Variants in DAB1 observed in about 807,000 individuals in gnomAD.
The protein encoded by DAB1 is DAB adaptor protein 1, also known as disabled homolog 1.
Under a neutral mutation model 64.6 loss-of-function variants are expected in DAB1, and 15 were observed. The observed-to-expected ratio is 0.23, with a 90% CI of 0.16 to 0.36. The LOEUF (loss-of-function observed/expected upper bound fraction) is 0.36, where lower values mean the gene tolerates loss of function less well. Among genes scored for constraint, DAB1 ranks in the 10% least tolerant of loss-of-function variants. The pLI is 1.00. For synonymous variants in DAB1, 235 were observed against 251.9 expected (o/e 0.93, Z 0.64); for missense variants, 596 against 706.7 (o/e 0.84, Z 1.78).
intron 7 of DAB1, among the ~76,000 whole-genome samples, chr1:57,561,359 T>C (rs1441359345): frequency 6.6e-6 from 1 of 152,180 alleles, no homozygotes; most frequent in Non-Finnish European, 1.5e-5. Flanking sequence ...GTGCACCTGG[T>C]TGTGCACTGT....
intron 4 of DAB1, among the ~76,000 whole-genome samples, chr1:58,167,795 A>G (rs1655943218): frequency 6.6e-6 from 1 of 152,184 alleles, no homozygotes; most frequent in South Asian, 2.1e-4. Context: ...CTCACGGCAA[A>G]GGTCTGTGGC....
chr1:57,545,953 A>T (rs960404339), intron 7 of DAB1, among the ~76,000 whole-genome samples: 1 of 152,194 alleles, frequency 6.6e-6, no homozygotes, highest in African/African-American at 2.4e-5. Flanking sequence ...ATTGTTCTCC[A>T]CAAATAAAAA....
At chr1:58,015,125 G>C in intron 5 of DAB1, among the ~76,000 whole-genome samples, 1 of 152,188 alleles carries the variant, frequency 6.6e-6, no homozygotes, top group South Asian at 2.1e-4. Flanking sequence ...ATGCCATCCT[G>C]ACCTATGCCA....
chr1:58,064,585 T>C (rs764366437), intron 5 of DAB1, among the ~76,000 whole-genome samples: 2 of 152,176 alleles, frequency 1.3e-5, no homozygotes, highest in Non-Finnish European at 2.9e-5. Flanking sequence ...GTCTACTCAG[T>C]GCGGTGCCTG....
intron 2 of DAB1, among the ~76,000 whole-genome samples, chr1:57,281,220 T>C (rs1671859852): frequency 1.3e-5 from 2 of 152,276 alleles, no homozygotes; most frequent in South Asian, 2.1e-4. Context: ...ATAAAGAGAA[T>C]AAACCTTATT....
chr1:58,525,634 A>G (rs1646337313), intron 2 of DAB1, among the ~76,000 whole-genome samples: 1 of 152,140 alleles, frequency 6.6e-6, no homozygotes, highest in Non-Finnish European at 1.5e-5. Flanking sequence ...ACACTAGTCA[A>G]GTGTCCCCAA....
intron 5 of DAB1, among the ~76,000 whole-genome samples, chr1:57,921,384 T>C (rs1486756262): frequency 6.6e-6 from 1 of 152,210 alleles, no homozygotes; most frequent in Non-Finnish European, 1.5e-5. Context: ...TAATTGTTTT[T>C]ACCAGGAGGA....
chr1:57,990,984 G>A (rs563100896), intron 5 of DAB1, among the ~76,000 whole-genome samples: 1 of 152,152 alleles, frequency 6.6e-6, no homozygotes, highest in Non-Finnish European at 1.5e-5. Flanking sequence ...AGGATGAGAC[G>A]TGGCATTTGT....
At chr1:57,349,431 A>G (rs1245014215) in intron 1 of DAB1, among the ~76,000 whole-genome samples, 3 of 152,068 alleles carry the variant, frequency 2.0e-5, no homozygotes, top group African/African-American at 4.8e-5. Flanking sequence ...TTTTCAGACA[A>G]TAAGTTTCCT....
At chr1:57,114,291 A>C (rs1388361532) in intron 4 of DAB1, among the ~76,000 whole-genome samples, 1 of 152,210 alleles carries the variant, frequency 6.6e-6, no homozygotes, top group Non-Finnish European at 1.5e-5. Context: ...TTTTAAGGAA[A>C]GAAAATGGAA....
intron 1 of DAB1, among the ~76,000 whole-genome samples, chr1:57,351,724 C>A (rs1678605809): frequency 6.6e-6 from 1 of 151,872 alleles, no homozygotes; most frequent in Admixed American, 6.6e-5. Context: ...CAGGGTGGAC[C>A]CCTGGTGTGA....
In DAB1 at chr1:58,208,424, T is replaced by C. The variant is rs185887564; in HGVS notation, n.310-57836A>G. ...CAGTGTACACTGTACTCAATGTATA[T>C]TGTTTTTATCACTCACCCCTTGACA... On this transcript the variant is annotated intron_variant and non_coding_transcript_variant, in intron 4 of 20. Transcript: ENST00000485760. Among the ~76,000 whole-genome samples, 1,267 of 152,248 alleles carry C rather than the reference T, an allele frequency of 8.3e-3. 24 individuals carry two copies. Among genetic ancestry groups the C allele is most frequent in the Admixed American group, 0.05 (760 of 15,282 alleles).
At chr1:58,020,070 T>C (rs916877327) in intron 5 of DAB1, among the ~76,000 whole-genome samples, 1 of 152,202 alleles carries the variant, frequency 6.6e-6, no homozygotes, top group African/African-American at 2.4e-5. Context: ...CTACTACCAG[T>C]GTTTTAATCT....
At chr1:57,811,258 G>C (rs1464956883) in intron 6 of DAB1, among the ~76,000 whole-genome samples, 2 of 152,310 alleles carry the variant, frequency 1.3e-5, no homozygotes, top group East Asian at 1.9e-4. Context: ...CCCCAATGTC[G>C]AAGGTGGGGG....
chr1:57,686,043 G>A (rs548612302), intron 6 of DAB1, among the ~76,000 whole-genome samples: 1 of 151,766 alleles, frequency 6.6e-6, no homozygotes, highest in East Asian at 1.9e-4. Context: ...TAGCAAAAGA[G>A]AATAAATACC....
At chr1:57,381,099 C>T (rs1275163232) in intron 1 of DAB1, among the ~76,000 whole-genome samples, 1 of 152,016 alleles carries the variant, frequency 6.6e-6, no homozygotes, top group East Asian at 1.9e-4. Context: ...CCCAAAGGGC[C>T]GTTTCTACAT....
At chr1:58,334,319 A>G (rs1346318693) in intron 4 of DAB1, among the ~76,000 whole-genome samples, 1 of 152,174 alleles carries the variant, frequency 6.6e-6, no homozygotes, top group Non-Finnish European at 1.5e-5. Context: ...GTATGAGCTG[A>G]ATCCAGCCCA....
chr1:57,356,914 C>CCA (rs1409924992), intron 1 of DAB1, among the ~76,000 whole-genome samples: 2 of 151,896 alleles, frequency 1.3e-5, no homozygotes, highest in Non-Finnish European at 2.9e-5. Context: ...TTGTGATGTG[C>CCA]CACTCTGCCA....
intron 9 of DAB1, 129 bp from the exon 10 acceptor site, chr1:57,026,172 G>T: frequency 2.9e-6 from 2 of 680,042 alleles, no homozygotes; most frequent in Non-Finnish European, 2.5e-6. Context: ...CCGTAATCCT[G>T]ATGGGTCATT....
Sources: allele counts gnomAD v4.1 joint callset (sites outside exome capture counted in the v4.1 genomes callset), GRCh38; gene constraint gnomAD v4.1.1; transcripts MANE v1.5; gene names NCBI Gene and HGNC (gene_info 2026-07-23, HGNC 2026-07-21).